SLC8A1: variants seen among roughly 807,000 people sequenced by gnomAD.
The protein encoded by SLC8A1 is sodium/calcium exchanger 1.
Under a neutral mutation model 68.3 loss-of-function variants are expected in SLC8A1, and 18 were observed. That is an observed-to-expected ratio of 0.26 (90% CI 0.18 to 0.39). SLC8A1 has a LOEUF of 0.39. Ranked by LOEUF, SLC8A1 falls within the 10% of genes least tolerant of loss-of-function variation. The pLI is 1.00. For missense variants in SLC8A1, 985 were observed against 1,156.7 expected (o/e 0.85, Z 2.15); for synonymous variants, 475 against 415.5 (o/e 1.14, Z -1.74).
intron 2 of SLC8A1, among the ~76,000 whole-genome samples, chr2:40,266,529 T>A (rs371610753): frequency 1.2e-3 from 182 of 152,288 alleles, no homozygotes; most frequent in African/African-American, 4.1e-3. Flanking sequence ...TTCTGGACAC[T>A]AGAATGTTAG....
chr2:40,252,838 A>G lies in SLC8A1; in HGVS notation c.1809-74983T>C, dbSNP rs1209843316. Among the ~76,000 whole-genome samples, 11 of 144,534 alleles carry G rather than the reference A, an allele frequency of 7.6e-5. 1 individual carries two copies. The highest frequency in any genetic ancestry group is 1.3e-4 in the Non-Finnish European group (9 of 66,758). The allele number at this position is 144,534 out of a possible 152,430, so 94.8% of individuals were successfully genotyped here. A position where few individuals can be genotyped will look rare whatever the true frequency, so the allele number is the denominator to read the frequency against. On this transcript the variant is annotated intron_variant, in intron 2 of 7. Coordinates refer to ENST00000406785, the Ensembl canonical transcript of SLC8A1. ...TACATATATATGTATATACATGTGTATACATATATGTATATATACACATTT... is the reference window on the plus strand; with the variant it reads ...TACATATATATGTATATACATGTGTGTACATATATGTATATATACACATTT...
chr2:40,415,594 G>A (rs1180352274), intron 2 of SLC8A1, among the ~76,000 whole-genome samples: 1 of 152,086 alleles, frequency 6.6e-6, no homozygotes, highest in African/African-American at 2.4e-5. Context: ...TACAAAAAAG[G>A]ATAGGATGTG....
At chr2:40,325,246 T>C (rs956733534) in intron 2 of SLC8A1, among the ~76,000 whole-genome samples, 9 of 152,166 alleles carry the variant, frequency 5.9e-5, no homozygotes, top group African/African-American at 2.2e-4. Context: ...AGAGCATAAC[T>C]CTGCCAGCCC....
At chr2:40,447,278 TG>T (rs905129167) in intron 1 of SLC8A1, among the ~76,000 whole-genome samples, 1 of 152,206 alleles carries the variant, frequency 6.6e-6, no homozygotes, top group African/African-American at 2.4e-5. Flanking sequence ...GAAAATATTT[TG>T]CCCACTCCTC....
At chr2:40,457,306 A>G (rs188571655) in intron 1 of SLC8A1, among the ~76,000 whole-genome samples, 2 of 152,304 alleles carry the variant, frequency 1.3e-5, no homozygotes, top group African/African-American at 2.4e-5. Context: ...GTTCCCTACA[A>G]TCCAGTTCAG....
chr2:40,400,981 G>A lies in SLC8A1; in HGVS notation c.1808+27492C>T, dbSNP rs536486659. Among the ~76,000 whole-genome samples the A allele has an allele frequency of 1.5e-3, 231 of 152,294 alleles. 1 individual carries two copies. Among genetic ancestry groups the A allele is most frequent in the African/African-American group, 5.2e-3 (216 of 41,568 alleles). On this transcript the variant is annotated intron_variant, in intron 2 of 7. Coordinates refer to ENST00000406785, the Ensembl canonical transcript of SLC8A1. ...AAAGGAAGCCACACAGAATTTTGGT[G>A]CCACGAGGAGGAGGACATCTGTATC...
chr2:40,249,392 G>A (rs961993707), intron 2 of SLC8A1, among the ~76,000 whole-genome samples: 1 of 152,144 alleles, frequency 6.6e-6, no homozygotes, highest in Admixed American at 6.5e-5. Context: ...ACAAAGCAAT[G>A]TGTCCCATTA....
intron 2 of SLC8A1, among the ~76,000 whole-genome samples, chr2:40,374,628 G>C (rs1401106014): frequency 1.3e-5 from 2 of 151,950 alleles, no homozygotes; most frequent in Non-Finnish European, 2.9e-5. Context: ...AGCTTTGTTG[G>C]TGATAAAGTG....
At chr2:40,301,987 A>C (rs2071545001) in intron 2 of SLC8A1, among the ~76,000 whole-genome samples, 1 of 151,180 alleles carries the variant, frequency 6.6e-6, no homozygotes, top group African/African-American at 2.4e-5. Flanking sequence ...CTCAGCCTGC[A>C]AAGTAGCTGG....
At chr2:40,136,428 T>C (rs934227462) in intron 7 of SLC8A1, among the ~76,000 whole-genome samples, 16 of 152,176 alleles carry the variant, frequency 1.1e-4, no homozygotes, top group African/African-American at 3.9e-4. Context: ...TATATAGATA[T>C]TAATTCCTTC....
At chr2:40,378,543 G>A (rs992284563) in intron 2 of SLC8A1, among the ~76,000 whole-genome samples, 3 of 152,062 alleles carry the variant, frequency 2.0e-5, no homozygotes, top group Non-Finnish European at 4.4e-5. Context: ...GGAGAGTTTT[G>A]AGCAGAGGAG....
At chr2:40,284,608 A>C (rs1323094042) in intron 2 of SLC8A1, among the ~76,000 whole-genome samples, 1 of 147,724 alleles carries the variant, frequency 6.8e-6, no homozygotes, top group Admixed American at 6.8e-5. Flanking sequence ...TACATTATAT[A>C]TATAAATTAA....
intron 2 of SLC8A1, among the ~76,000 whole-genome samples, chr2:40,322,500 T>A: frequency 9.9e-6 from 1 of 100,648 alleles, no homozygotes; most frequent in African/African-American, 5.2e-5. Flanking sequence ...CTACAAAAGG[T>A]TAAAAAAAAA....
At chr2:40,360,265 C>A (rs1674192060) in intron 2 of SLC8A1, among the ~76,000 whole-genome samples, 1 of 152,114 alleles carries the variant, frequency 6.6e-6, no homozygotes, top group Non-Finnish European at 1.5e-5. Flanking sequence ...TAAAACAGCT[C>A]CCAAGAGGTA....
At chr2:40,294,344 T>C (rs2069918152) in intron 2 of SLC8A1, among the ~76,000 whole-genome samples, 1 of 152,088 alleles carries the variant, frequency 6.6e-6, no homozygotes, top group Admixed American at 6.6e-5. Flanking sequence ...TCAATTTGTC[T>C]TCAAAACAAC....
chr2:40,391,233 T>C (rs977300794), intron 2 of SLC8A1, among the ~76,000 whole-genome samples: 1 of 151,832 alleles, frequency 6.6e-6, no homozygotes, highest in Non-Finnish European at 1.5e-5. Context: ...TGTGTACATA[T>C]GCACACTCAC....
chr2:40,420,433 A>G (rs896313523), intron 2 of SLC8A1, among the ~76,000 whole-genome samples: 1 of 152,110 alleles, frequency 6.6e-6, no homozygotes, highest in Non-Finnish European at 1.5e-5. Context: ...TCAGCCATAT[A>G]AGGAAGTTAA....
intron 2 of SLC8A1, among the ~76,000 whole-genome samples, chr2:40,426,502 A>G (rs535224575): frequency 1.3e-5 from 2 of 152,142 alleles, no homozygotes; most frequent in African/African-American, 4.8e-5. Flanking sequence ...ATCCTTTTTA[A>G]AAATCCTTTT....
intron 2 of SLC8A1, among the ~76,000 whole-genome samples, chr2:40,390,603 G>C (rs577475806): frequency 6.6e-6 from 1 of 151,452 alleles, no homozygotes; most frequent in Non-Finnish European, 1.5e-5. Flanking sequence ...AGGTTATTCT[G>C]ATGCCCCCTC....
Sources: allele counts gnomAD v4.1 joint callset (sites outside exome capture counted in the v4.1 genomes callset), GRCh38; gene constraint gnomAD v4.1.1; transcripts MANE v1.5; gene names NCBI Gene and HGNC (gene_info 2026-07-23, HGNC 2026-07-21).